The following PEPD variants were observed in gnomAD, a reference collection of about 807,000 sequenced individuals.
PEPD encodes peptidase D.
In PEPD, 53 loss-of-function variants were observed where a neutral mutation model predicts 60.7. The ratio of observed to expected loss-of-function variants is 0.87; its 90% confidence interval spans 0.70 to 1.10. The LOEUF (loss-of-function observed/expected upper bound fraction) is 1.10. Ranked by LOEUF, PEPD falls within the 50% of genes least tolerant of loss-of-function variation. The pLI is 0.00. For missense variants in PEPD, 711 were observed against 711.9 expected (o/e 1.00, Z 0.01); for synonymous variants, 267 against 284.1 (o/e 0.94, Z 0.60).
intron 9 of PEPD, among the ~76,000 whole-genome samples, chr19:33,424,749 A>T (rs548201161): frequency 3.3e-5 from 5 of 152,310 alleles, no homozygotes; most frequent in African/African-American, 1.2e-4. Context: ...TAATGGACTC[A>T]CAGTTCCATG....
intron 11 of PEPD, among the ~76,000 whole-genome samples, chr19:33,407,512 G>C (rs1461523640): frequency 6.6e-6 from 1 of 152,252 alleles, no homozygotes; most frequent in African/African-American, 2.4e-5. Context: ...GGGCTGGAGT[G>C]AGTGGGGAGG....
At chr19:33,462,960 C>T in intron 9 of PEPD, 35 bp downstream of exon 9, 1 of 1,424,996 alleles carries the variant, frequency 7.0e-7, no homozygotes, top group Non-Finnish European at 9.9e-7. Flanking sequence ...TGTTTTTTAC[C>T]TTTTAATTTT....
intron 9 of PEPD, among the ~76,000 whole-genome samples, chr19:33,428,305 C>A (rs1969195320): frequency 6.6e-6 from 1 of 152,188 alleles, no homozygotes; most frequent in Non-Finnish European, 1.5e-5. Flanking sequence ...GCATCACACA[C>A]CTGTCCAGCA....
chr19:33,423,211 C>T (rs1355353955), intron 9 of PEPD, among the ~76,000 whole-genome samples: 1 of 152,202 alleles, frequency 6.6e-6, no homozygotes, highest in African/African-American at 2.4e-5. Context: ...CAGAACAGTG[C>T]TTGGCACATC....
At chr19:33,435,233 T>A (rs1969351969) in intron 9 of PEPD, among the ~76,000 whole-genome samples, 1 of 152,156 alleles carries the variant, frequency 6.6e-6, no homozygotes, top group South Asian at 2.1e-4. Flanking sequence ...CAAAGGCCCC[T>A]CGGCTGGGCC....
chr19:33,413,504 G>GC (rs1207532089), intron 10 of PEPD, 71 bp downstream of exon 10: 3 of 833,070 alleles, frequency 3.6e-6, no homozygotes, highest in East Asian at 2.7e-5. Flanking sequence ...GGATGGTGGA[G>GC]CCCCCCACTC....
chr19:33,495,626 T>C (rs1343862798), intron 4 of PEPD, among the ~76,000 whole-genome samples: 1 of 152,068 alleles, frequency 6.6e-6, no homozygotes, highest in Non-Finnish European at 1.5e-5. Context: ...CCCGGGATCC[T>C]CCCTCATGTT....
In PEPD at chr19:33,396,512, G is replaced by A. The variant is rs573454446; in HGVS notation, c.968-5033C>T. ...CTGACCTCACATTGGCAGCACCCCCGTCACTCACAAGTGGCCAGGACCCTG... is the reference window on the plus strand; with the variant it reads ...CTGACCTCACATTGGCAGCACCCCCATCACTCACAAGTGGCCAGGACCCTG... On this transcript the variant is annotated intron_variant, in intron 12 of 14. Transcript: ENST00000244137. Among the ~76,000 whole-genome samples the A allele has an allele frequency of 2.4e-3, 367 of 152,254 alleles. 3 individuals are homozygous for A. The highest frequency in any genetic ancestry group is 8.5e-3 in the African/African-American group (353 of 41,530).
intron 6 of PEPD, among the ~76,000 whole-genome samples, chr19:33,479,776 A>G (rs1600148567): frequency 1.3e-5 from 2 of 152,238 alleles, no homozygotes; most frequent in East Asian, 3.8e-4. Flanking sequence ...GTTGCATAGT[A>G]TTCCATGGTG....
At chr19:33,517,375 A>G (rs897673126) in intron 1 of PEPD, among the ~76,000 whole-genome samples, 1 of 151,878 alleles carries the variant, frequency 6.6e-6, no homozygotes, top group Non-Finnish European at 1.5e-5. Context: ...CCTGGCCAAC[A>G]TGGTGAGCCC....
In PEPD at chr19:33,512,454, AC is replaced by A. The variant is rs1568511908; in HGVS notation, c.201+138del. 3 of 806,068 alleles carry A rather than the reference AC, an allele frequency of 3.7e-6. No individual in the cohort carries two copies. The African/African-American group carries it at 5.1e-5, about 14-fold the overall frequency. The allele number at this position is 806,068 out of a possible 1,614,324, so 49.9% of individuals were successfully genotyped here. ...TTCTACATCTTCAAGGAGCCCCTGG[AC>A]CACTTCCCAGGCGAGGAAACAGAGG... On this transcript the variant is annotated intron_variant, in intron 2 of 14. Transcript: ENST00000244137.
At chr19:33,502,705 C>T (rs956949752) in intron 3 of PEPD, among the ~76,000 whole-genome samples, 8 of 152,060 alleles carry the variant, frequency 5.3e-5, no homozygotes, top group African/African-American at 1.7e-4. Context: ...TTACACCAGG[C>T]GAGCACCAAG....
At chr19:33,438,059 T>A (rs571497082) in intron 9 of PEPD, among the ~76,000 whole-genome samples, 1 of 152,272 alleles carries the variant, frequency 6.6e-6, no homozygotes, top group Admixed American at 6.5e-5. Flanking sequence ...CACGGGCAAT[T>A]CTCCTGGGCT....
intron 9 of PEPD, among the ~76,000 whole-genome samples, chr19:33,427,146 A>G (rs1969168934): frequency 6.6e-6 from 1 of 152,238 alleles, no homozygotes; most frequent in Non-Finnish European, 1.5e-5. Context: ...ACTTAAGATG[A>G]TGAATGGGGG....
chr19:33,392,377 T>A (rs1302156289), intron 12 of PEPD, among the ~76,000 whole-genome samples: 5 of 152,188 alleles, frequency 3.3e-5, no homozygotes, highest in Non-Finnish European at 7.4e-5. Context: ...CTCTGTGGAA[T>A]CCCAGCATCA....
intron 10 of PEPD, among the ~76,000 whole-genome samples, chr19:33,412,436 G>A (rs1968798984): frequency 6.6e-6 from 1 of 152,204 alleles, no homozygotes; most frequent in African/African-American, 2.4e-5. Flanking sequence ...GTGGCCAAAG[G>A]GGAGAGGGCC....
chr19:33,418,237 G>A (rs1337158370), intron 9 of PEPD, among the ~76,000 whole-genome samples: 1 of 152,200 alleles, frequency 6.6e-6, no homozygotes, highest in South Asian at 2.1e-4. Flanking sequence ...TAATTGCTGC[G>A]ATATTTTCTG....
intron 6 of PEPD, among the ~76,000 whole-genome samples, chr19:33,482,491 C>A (rs1163768218): frequency 1.3e-5 from 2 of 152,184 alleles, no homozygotes; most frequent in Non-Finnish European, 2.9e-5. Context: ...AACATCATAG[C>A]ATACTGAATG....
rs926616205 is a variant in PEPD, at chr19:33,486,535, C to T, written c.503+3461G>A. On this transcript the variant is annotated intron_variant, in intron 6 of 14. Coordinates refer to ENST00000244137, the MANE Select transcript of PEPD (RefSeq NM_000285.4). ...CCTCAGTCCACAGGGTCTCTCTGGC[C>T]GTGTGCATGCCCACCACCCTCAGCC... Among the ~76,000 whole-genome samples the T allele has an allele frequency of 4.6e-5, 7 of 152,048 alleles. 1 individual carries two copies. The East Asian group carries it at 5.8e-4, about 13-fold the overall frequency.
Sources: gnomAD v4.1 joint callset for allele counts (sites outside exome capture counted in the v4.1 genomes callset) on GRCh38, gnomAD v4.1.1 for gene constraint, MANE v1.5 for transcripts, NCBI Gene and HGNC (gene_info 2026-07-23, HGNC 2026-07-21) for gene names.